RTL10: variants seen among roughly 807,000 people sequenced by gnomAD.
RTL10 encodes the protein retrotransposon Gag like 10, also known as protein Bop.
For synonymous variants in RTL10, 199 were observed against 188.4 expected (o/e 1.06, Z -0.46); for missense variants, 477 against 470.7 (o/e 1.01, Z -0.12).
chr22:19,851,463 G>A lies in RTL10; in HGVS notation c.799C>T (p.Pro267Ser), dbSNP rs572316704. The A allele has an allele frequency of 6.2e-6, 10 of 1,614,108 alleles. No individual in the cohort carries two copies. The East Asian group carries it at 2.2e-4, about 36-fold the overall frequency. ...QQLTKESTPG[P>S]KEPPVLPSST... is the part of the protein sequence containing the mutation. ...CTGGGCAGGACTGGGGGCTCCTTGGGCCCAGGGGTGCTCTCCTTGGTCAGC... is the reference window on the plus strand; with the variant it reads ...CTGGGCAGGACTGGGGGCTCCTTGGACCCAGGGGTGCTCTCCTTGGTCAGC... The change falls in exon 3 of 3, where the codon CCC (proline) becomes TCC (serine). Residue 267 changes from proline (P) to serine (S), a missense_variant. Physicochemically the swap from Pro to Ser is moderately conservative, Grantham distance 74. Coordinates refer to ENST00000328554, the MANE Select transcript of RTL10 (RefSeq NM_024627.6).
rs112264231 is a variant in RTL10 at position 19,854,268 on chromosome 22, A to G, written c.-226+175T>C. On this transcript the variant is annotated intron_variant, in intron 2 of 2. Coordinates refer to ENST00000328554, the MANE Select transcript of RTL10 (RefSeq NM_024627.6). ...TTGCCCCCACAAGGCCAAAGGCAGC[A>G]CCTGGAACGCTGGAGCCGTTCTCTG... Among the ~76,000 whole-genome samples, 332 of 152,310 alleles carry G rather than the reference A, an allele frequency of 2.2e-3. 4 individuals are homozygous for G. Among genetic ancestry groups the G allele is most frequent in the African/African-American group, 7.6e-3 (315 of 41,566 alleles).
chr22:19,851,640 G>A lies in RTL10; in HGVS notation c.622C>T (p.Gln208Ter), dbSNP rs773906181. The change falls in exon 3 of 3, where the codon CAG becomes TAG. Residue 208 changes from glutamine (Q) to a stop codon, truncating the protein, a stop_gained. Transcript: ENST00000328554. LOFTEE classifies it low-confidence loss of function (END_TRUNC). ...AAGTATTGCCTCACCACAGGCAGCT[G>A]AGGGGCCACTGGCAGCTGGCTGGAG... ...LASSQLPVAP[Q>*]LPVVRQYLAR... is the part of the protein sequence containing the mutation. 2.5e-6 allele frequency: 4 copies of A among 1,594,440 alleles called. No individual in the cohort carries two copies. The highest frequency in any genetic ancestry group is 3.4e-6 in the Non-Finnish European group (4 of 1,168,502).
In RTL10 at chr22:19,849,923, C is replaced by T; in HGVS notation, c.*1244G>A. 2.0e-6 allele frequency: 2 copies of T among 985,552 alleles called. No individual in the cohort carries two copies. Among genetic ancestry groups the T allele is most frequent in the Non-Finnish European group, 2.4e-6 (2 of 830,030 alleles). 61.1% of individuals were successfully genotyped at this position (985,552 alleles called of 1,614,324 possible). On this transcript the variant is annotated 3_prime_UTR_variant, in exon 3 of 3. Transcript: ENST00000328554. ...CTCCAGGAGCTTCCAAGCTCAGCTT[C>T]CACTAGAAAACCCCTCCTTGTGTGG...
At position 19,851,185 on chromosome 22, in the gene RTL10, T is replaced by C. The variant is rs1938085437; in HGVS notation, c.1077A>G (p.Pro359=). 1.3e-6 allele frequency: 2 copies of C among 1,590,286 alleles called. No individual in the cohort carries two copies. Among genetic ancestry groups the C allele is most frequent in the Admixed American group, 1.8e-5 (1 of 56,198 alleles). Residue 359 remains proline (P), a synonymous_variant, in exon 3 of 3, where the codon CCA becomes CCG. Transcript: ENST00000328554. ...VEAPETPGEP[P]LSPGF is the part of the protein sequence containing the mutation. ...GCTGTGTTCAGAACCCAGGAGAAAG[T>C]GGTGGCTCTCCTGGGGTCTCCGGGG...
At position 19,848,539 on chromosome 22, in the gene RTL10, C is replaced by A. The variant is rs953736168; in HGVS notation, c.*2628G>T. On this transcript the variant is annotated 3_prime_UTR_variant, in exon 3 of 3. Transcript: ENST00000328554. ...ATGCCAGAGTCCATCGTTGCCTCCA[C>A]CCTACCTGTGCAGGAAACCTGGACA... 1.0e-6 allele frequency: 1 copy of A among 985,542 alleles called. No individual in the cohort carries two copies. The highest frequency in any genetic ancestry group is 1.2e-6 in the Non-Finnish European group (1 of 829,974). 61.0% of individuals were successfully genotyped at this position (985,542 alleles called of 1,614,324 possible). A position where few individuals can be genotyped will look rare whatever the true frequency, so the allele number is the denominator to read the frequency against.
Position 19,847,804 on chromosome 22 carries a change from C to CAAAAAAAAAAAAA in RTL10, c.*3350_*3362dup, listed in dbSNP as rs34331843. 777 of 611,450 alleles carry CAAAAAAAAAAAAA rather than the reference C, an allele frequency of 1.3e-3. 17 individuals carry two copies. The highest frequency in any genetic ancestry group is 2.7e-3 in the African/African-American group (96 of 35,766). 37.9% of individuals were successfully genotyped at this position (611,450 alleles called of 1,614,324 possible). A position where few individuals can be genotyped will look rare whatever the true frequency, so the allele number is the denominator to read the frequency against. On this transcript the variant is annotated 3_prime_UTR_variant, in exon 3 of 3. Coordinates refer to ENST00000328554, the MANE Select transcript of RTL10 (RefSeq NM_024627.6). ...ACTTTTAAAATCCTGGAATCATAGG[C>CAAAAAAAAAAAAA]AAAAAAAAAAAAAAAAAAAAATTCA...
At chr22:19,853,050 G>A (rs889031951) in intron 2 of RTL10, among the ~76,000 whole-genome samples, 3 of 152,164 alleles carry the variant, frequency 2.0e-5, no homozygotes, top group Non-Finnish European at 2.9e-5. Context: ...GCACACAGCA[G>A]GTCCTACCTG....
In RTL10 at chr22:19,849,462, G is replaced by C. The variant is rs1938044526; in HGVS notation, c.*1705C>G. 2 of 315,254 alleles carry C rather than the reference G, an allele frequency of 6.3e-6. No homozygotes were observed. Among genetic ancestry groups the C allele is most frequent in the Admixed American group, 6.5e-5 (1 of 15,348 alleles). The allele number at this position is 315,254 out of a possible 1,614,324, so 19.5% of individuals were successfully genotyped here. Reference sequence around the variant, plus strand: ...CGGCTCACCACACCCTCTGCCTCCTGGGTTCAAGCAATTCTTCTGCCTCAG... The same window carrying C: ...CGGCTCACCACACCCTCTGCCTCCTCGGTTCAAGCAATTCTTCTGCCTCAG... On this transcript the variant is annotated 3_prime_UTR_variant, in exon 3 of 3. Coordinates refer to ENST00000328554, the MANE Select transcript of RTL10 (RefSeq NM_024627.6).
rs1277982508 is a variant in RTL10 at position 19,847,210 on chromosome 22, AG to A, written c.*3956del. The A allele has an allele frequency of 1.0e-6, 1 of 985,372 alleles. No homozygotes were observed. Among genetic ancestry groups the A allele is most frequent in the Non-Finnish European group, 1.2e-6 (1 of 829,966 alleles). The allele number at this position is 985,372 out of a possible 1,614,324, so 61.0% of individuals were successfully genotyped here. A position where few individuals can be genotyped will look rare whatever the true frequency, so the allele number is the denominator to read the frequency against. ...AGGCTGTCGTCAGCACAGGTCTGACAGGCCCCAGCCACGGTGGCCCACAGGT... is the reference window on the plus strand; with the variant it reads ...AGGCTGTCGTCAGCACAGGTCTGACAGCCCCAGCCACGGTGGCCCACAGGT... On this transcript the variant is annotated 3_prime_UTR_variant, in exon 3 of 3. Coordinates refer to ENST00000328554, the MANE Select transcript of RTL10 (RefSeq NM_024627.6).
rs910086585 is a variant in RTL10 at position 19,848,209 on chromosome 22, A to G, written c.*2958T>C. ...CACCCATCATGTCCTATCTTCAGGA[A>G]ATAAAATCTCTGGGTATTTCCAAGG... On this transcript the variant is annotated 3_prime_UTR_variant, in exon 3 of 3. Coordinates refer to ENST00000328554, the MANE Select transcript of RTL10 (RefSeq NM_024627.6). The G allele has an allele frequency of 3.0e-6, 3 of 985,314 alleles. No individual in the cohort carries two copies. The African/African-American group carries it at 5.2e-5, about 17-fold the overall frequency. The allele number at this position is 985,314 out of a possible 1,614,324, so 61.0% of individuals were successfully genotyped here.
At position 19,849,428 on chromosome 22, in the gene RTL10, G is replaced by A. The variant is rs2145904465; in HGVS notation, c.*1739C>T. On this transcript the variant is annotated 3_prime_UTR_variant, in exon 3 of 3. Coordinates refer to ENST00000328554, the MANE Select transcript of RTL10 (RefSeq NM_024627.6). Reference sequence around the variant, plus strand: ...TTGTTGTCCAGGCTGGAGTGCAATGGCGTGATCTCGGCTCACCACACCCTC... The same window carrying A: ...TTGTTGTCCAGGCTGGAGTGCAATGACGTGATCTCGGCTCACCACACCCTC... 1 of 457,742 alleles carries A rather than the reference G, an allele frequency of 2.2e-6. No homozygotes were observed. Among genetic ancestry groups the A allele is most frequent in the South Asian group, 9.4e-5 (1 of 10,668 alleles). The allele number at this position is 457,742 out of a possible 1,614,324, so 28.4% of individuals were successfully genotyped here.
rs1027264549 is a variant in RTL10 at position 19,846,429 on chromosome 22, C to T, written c.*4738G>A. The T allele has an allele frequency of 8.1e-6, 8 of 985,126 alleles. No individual in the cohort carries two copies. The highest frequency in any genetic ancestry group is 9.6e-6 in the Non-Finnish European group (8 of 829,770). The allele number at this position is 985,126 out of a possible 1,614,324, so 61.0% of individuals were successfully genotyped here. A position where few individuals can be genotyped will look rare whatever the true frequency, so the allele number is the denominator to read the frequency against. ...TGCCTACTCAACAGCCAAGGCTTGGCCATCCCCACTCCTCAGTATGGGCCC... is the reference window on the plus strand; with the variant it reads ...TGCCTACTCAACAGCCAAGGCTTGGTCATCCCCACTCCTCAGTATGGGCCC... On this transcript the variant is annotated 3_prime_UTR_variant, in exon 3 of 3. Transcript: ENST00000328554.
At position 19,850,614 on chromosome 22, in the gene RTL10, C is replaced by A; in HGVS notation, c.*553G>T. 1 of 1,213,574 alleles carries A rather than the reference C, an allele frequency of 8.2e-7. No individual in the cohort carries two copies. The highest frequency in any genetic ancestry group is 4.3e-5 in the South Asian group (1 of 23,334). The allele number at this position is 1,213,574 out of a possible 1,614,324, so 75.2% of individuals were successfully genotyped here. On this transcript the variant is annotated 3_prime_UTR_variant, in exon 3 of 3. Transcript: ENST00000328554. ...CATCATTCTTTGCCAAGATGCTATCCCACTCATCCCCCAGAATCAAAGTGG... is the reference window on the plus strand; with the variant it reads ...CATCATTCTTTGCCAAGATGCTATCACACTCATCCCCCAGAATCAAAGTGG...
Position 19,851,244 on chromosome 22 carries a change from C to G in RTL10, c.1018G>C (p.Val340Leu). The G allele has an allele frequency of 6.2e-7, 1 of 1,605,152 alleles. No individual in the cohort carries two copies. Among genetic ancestry groups the G allele is most frequent in the Admixed American group, 1.7e-5 (1 of 58,262 alleles). ...ACCTCCTGTGGGGTACCTAAGGACACCTCCTGGTCTCCCTCTGTCTCCAAA... is the reference window on the plus strand; with the variant it reads ...ACCTCCTGTGGGGTACCTAAGGACAGCTCCTGGTCTCCCTCTGTCTCCAAA... ...EVLETEGDQE[V>L]SLGTPQEVVE... Residue 340 changes from valine to leucine, a missense_variant, in exon 3 of 3, where the codon GTG becomes CTG. Coordinates refer to ENST00000328554, the MANE Select transcript of RTL10 (RefSeq NM_024627.6).
At position 19,850,613 on chromosome 22, in the gene RTL10, C is replaced by T. The variant is rs1022730951; in HGVS notation, c.*554G>A. 5.8e-6 allele frequency: 7 copies of T among 1,213,178 alleles called. No homozygotes were observed. Among genetic ancestry groups the T allele is most frequent in the Non-Finnish European group, 7.2e-6 (7 of 976,702 alleles). The allele number at this position is 1,213,178 out of a possible 1,614,324, so 75.2% of individuals were successfully genotyped here. On this transcript the variant is annotated 3_prime_UTR_variant, in exon 3 of 3. Coordinates refer to ENST00000328554, the MANE Select transcript of RTL10 (RefSeq NM_024627.6). ...ACATCATTCTTTGCCAAGATGCTAT[C>T]CCACTCATCCCCCAGAATCAAAGTG...
Position 19,850,096 on chromosome 22 carries a change from TG to T in RTL10, c.*1070del. 1 of 985,698 alleles carries T rather than the reference TG, an allele frequency of 1.0e-6. No individual in the cohort carries two copies. Among genetic ancestry groups the T allele is most frequent in the Non-Finnish European group, 1.2e-6 (1 of 830,164 alleles). The allele number at this position is 985,698 out of a possible 1,614,324, so 61.1% of individuals were successfully genotyped here. Reference sequence around the variant, plus strand: ...CCTACTCAGCCCCACCCAGCTTCTTTGATCAGACCCTTGGACCCTCAAAGCC... The same window carrying T: ...CCTACTCAGCCCCACCCAGCTTCTTTATCAGACCCTTGGACCCTCAAAGCC... On this transcript the variant is annotated 3_prime_UTR_variant, in exon 3 of 3. Transcript: ENST00000328554.
In RTL10 at chr22:19,849,285, C is replaced by G; in HGVS notation, c.*1882G>C. 3.1e-6 allele frequency: 3 copies of G among 982,962 alleles called. No individual in the cohort carries two copies. The highest frequency in any genetic ancestry group is 3.6e-6 in the Non-Finnish European group (3 of 827,712). 60.9% of individuals were successfully genotyped at this position (982,962 alleles called of 1,614,324 possible). ...TGAAATAACTCACACATAAAACCAT[C>G]TGAACCCAGAGCCTTTTCTAGTGAT... On this transcript the variant is annotated 3_prime_UTR_variant, in exon 3 of 3. Coordinates refer to ENST00000328554, the MANE Select transcript of RTL10 (RefSeq NM_024627.6).
In RTL10 at chr22:19,849,053, C is replaced by T. The variant is rs894697364; in HGVS notation, c.*2114G>A. 10 of 985,420 alleles carry T rather than the reference C, an allele frequency of 1.0e-5. No homozygotes were observed. The South Asian group carries it at 1.4e-4, about 14-fold the overall frequency. The allele number at this position is 985,420 out of a possible 1,614,324, so 61.0% of individuals were successfully genotyped here. ...GGGGGATGGGGCCTGAGTCATCGGACGGAGGGCAGCTGTGACCTGGCACAG... is the reference window on the plus strand; with the variant it reads ...GGGGGATGGGGCCTGAGTCATCGGATGGAGGGCAGCTGTGACCTGGCACAG... On this transcript the variant is annotated 3_prime_UTR_variant, in exon 3 of 3. Transcript: ENST00000328554.
chr22:19,848,156 G>A lies in RTL10; in HGVS notation c.*3011C>T, dbSNP rs1938010258. 3.0e-6 allele frequency: 3 copies of A among 985,126 alleles called. No individual in the cohort carries two copies. The African/African-American group carries it at 5.2e-5, about 17-fold the overall frequency. The allele number at this position is 985,126 out of a possible 1,614,324, so 61.0% of individuals were successfully genotyped here. On this transcript the variant is annotated 3_prime_UTR_variant, in exon 3 of 3. Coordinates refer to ENST00000328554, the MANE Select transcript of RTL10 (RefSeq NM_024627.6). ...TTCCTATTTTAAAGTTTTCCTTGCA[G>A]ACAGGTACTTTAAATACCATCTCAC...
Sources: gnomAD v4.1 joint callset for allele counts (sites outside exome capture counted in the v4.1 genomes callset) on GRCh38, gnomAD v4.1.1 for gene constraint, MANE v1.5 for transcripts, NCBI Gene and HGNC (gene_info 2026-07-23, HGNC 2026-07-21) for gene names.